PLOD1: variants seen among roughly 807,000 people sequenced by gnomAD.
The protein encoded by PLOD1 is procollagen-lysine,2-oxoglutarate 5-dioxygenase 1.
A neutral mutation model predicts 94.7 loss-of-function variants in PLOD1; 70 were observed. The ratio of observed to expected loss-of-function variants is 0.74; its 90% CI spans 0.61 to 0.90. PLOD1 has a LOEUF of 0.90. Among genes scored for constraint, PLOD1 ranks in the 40% least tolerant of loss-of-function variants. The pLI is 0.00. For missense variants in PLOD1, 905 were observed against 972.7 expected (o/e 0.93, Z 0.93); for synonymous variants, 417 against 400.2 (o/e 1.04, Z -0.50).
In PLOD1 at chr1:11,956,908, G is replaced by A. The variant is rs1279837535; in HGVS notation, c.644-9G>A. 1 of 1,602,308 alleles carries A rather than the reference G, an allele frequency of 6.2e-7. No homozygotes were observed. The highest frequency in any genetic ancestry group is 8.6e-7 in the Non-Finnish European group (1 of 1,169,258). ...GATGCTGGGTGGGACTGTGCTTTCT[G>A]ACCCCCAGATGAGGTCGTGCTCAAG... On this transcript the variant is annotated splice_polypyrimidine_tract_variant and intron_variant, in intron 6 of 18. Coordinates refer to ENST00000196061, the MANE Select transcript of PLOD1 (RefSeq NM_000302.4).
chr1:11,957,585 A>G lies in PLOD1; in HGVS notation c.742-257A>G, dbSNP rs1645747787. 6.6e-6 allele frequency among the ~76,000 whole-genome samples: 1 copy of G among 152,188 alleles called. No homozygotes were observed. Among genetic ancestry groups the G allele is most frequent in the African/African-American group, 2.4e-5 (1 of 41,462 alleles). On this transcript the variant is annotated intron_variant, in intron 7 of 18. Transcript: ENST00000196061. This position sits in a 1 kb window ranked among gnomAD's most constrained non-coding sequence, Gnocchi z 4.1. ...TTCACCCAGGATCTGTTCAGATGGA[A>G]TCTCTGAGCGGGGTGGGACCCAGGA...
At chr1:11,943,599 G>A (rs563335328) in intron 1 of PLOD1, among the ~76,000 whole-genome samples, 3 of 152,116 alleles carry the variant, frequency 2.0e-5, no homozygotes, top group East Asian at 1.9e-4. Context: ...GCCTGGCCAC[G>A]GAACCTGGGG....
At chr1:11,959,843 C>G in intron 9 of PLOD1, among the ~76,000 whole-genome samples, 1 of 151,630 alleles carries the variant, frequency 6.6e-6, no homozygotes, top group Non-Finnish European at 1.5e-5. Context: ...GTCTCGATCT[C>G]CTGACCTCGT....
intron 1 of PLOD1, among the ~76,000 whole-genome samples, chr1:11,941,495 T>TTA (rs1557481986): frequency 0.044 from 6,275 of 144,160 alleles, 416 homozygotes; most frequent in African/African-American, 0.16. Flanking sequence ...TATTATTATT[T>TTA]TTGAGATGGA....
intron 18 of PLOD1, among the ~76,000 whole-genome samples, chr1:11,974,331 C>T (rs933475487): frequency 3.9e-5 from 6 of 151,998 alleles, no homozygotes; most frequent in South Asian, 2.1e-4. Flanking sequence ...TACAGGCGTG[C>T]GCTGCTACAC....
At chr1:11,953,159 G>A (rs1392805164) in intron 5 of PLOD1, among the ~76,000 whole-genome samples, 1 of 152,052 alleles carries the variant, frequency 6.6e-6, no homozygotes, top group African/African-American at 2.4e-5. Flanking sequence ...TGGTTCAAGC[G>A]ATTCTCGAGC....
In PLOD1 at chr1:11,957,248, T is replaced by C; in HGVS notation, c.741+234T>C. ...TCACAGGACACGTAGGAGGCTGCCATCCCCTTCCAGGCCTAGGCTGGGCTA... is the reference window on the plus strand; with the variant it reads ...TCACAGGACACGTAGGAGGCTGCCACCCCCTTCCAGGCCTAGGCTGGGCTA... On this transcript the variant is annotated intron_variant, in intron 7 of 18. Transcript: ENST00000196061. The surrounding 1 kb of genome is among the most constrained non-coding windows in gnomAD (Gnocchi z 4.1). 2 of 721,424 alleles carry C rather than the reference T, an allele frequency of 2.8e-6. No homozygotes were observed. Among genetic ancestry groups the C allele is most frequent in the Non-Finnish European group, 5.2e-6 (2 of 383,362 alleles). The allele number at this position is 721,424 out of a possible 1,614,324, so 44.7% of individuals were successfully genotyped here.
intron 17 of PLOD1, 50 bp downstream of exon 17, chr1:11,970,866 G>A: frequency 1.4e-6 from 2 of 1,393,182 alleles, no homozygotes; most frequent in Non-Finnish European, 1.9e-6. Context: ...TGGGTGGGGT[G>A]TCAGTGGAGT....
At chr1:11,947,948 C>T (rs374793932) in intron 1 of PLOD1, 28 bp from the exon 2 acceptor site, 67 of 1,435,598 alleles carry the variant, frequency 4.7e-5, no homozygotes, top group Non-Finnish European at 6.0e-5. Context: ...CCTCCATTCC[C>T]ATTCACCATA....
In PLOD1 at chr1:11,952,627, C is replaced by T; in HGVS notation, c.471C>T (p.Phe157=). 6.2e-7 allele frequency: 1 copy of T among 1,613,414 alleles called. No individual in the cohort carries two copies. Among genetic ancestry groups the T allele is most frequent in the Non-Finnish European group, 8.5e-7 (1 of 1,179,366 alleles). The part of the protein sequence containing the change: ...DGKRFLGSGG[F]IGYAPNLSKL... ...TCCCCACCCACCAACCTTCAGGCTT[C>T]ATCGGTTATGCCCCCAACCTCAGCA... The change falls in exon 5 of 19, where the codon TTC becomes TTT. Residue 157 remains phenylalanine (F), a synonymous_variant. Transcript: ENST00000196061.
At chr1:11,936,217 G>T (rs148004573) in intron 1 of PLOD1, among the ~76,000 whole-genome samples, 1 of 152,030 alleles carries the variant, frequency 6.6e-6, no homozygotes, top group Non-Finnish European at 1.5e-5. Flanking sequence ...TTGGTCCGAG[G>T]TCAGCTGGGC....
intron 17 of PLOD1, 69 bp downstream of exon 17, chr1:11,970,885 C>G: frequency 2.8e-5 from 23 of 826,192 alleles, no homozygotes; most frequent in Middle Eastern, 2.7e-4. Context: ...GTGGCTGGGA[C>G]TGGTGGGGGT....
chr1:11,969,541 C>T (rs991807661), intron 16 of PLOD1, among the ~76,000 whole-genome samples: 1 of 152,204 alleles, frequency 6.6e-6, no homozygotes, highest in East Asian at 1.9e-4. Context: ...ACCTCGGACC[C>T]CAGCTGACTC....
Position 11,949,836 on chromosome 1 carries a change from G to C in PLOD1, c.232G>C (p.Val78Leu), listed in dbSNP as rs1306060482. The C allele has an allele frequency of 6.2e-7, 1 of 1,614,134 alleles. No homozygotes were observed. The highest frequency in any genetic ancestry group is 8.5e-7 in the Non-Finnish European group (1 of 1,179,968). The change falls in exon 3 of 19, where the codon GTC (valine) becomes CTC (leucine). Residue 78 changes from valine (V) to leucine (L), a missense_variant. By Grantham distance (32) the Val-to-Leu change is conservative (BLOSUM62 1). Transcript: ENST00000196061. ...GACGTCGGCAGGTGGAGGGCAGAAG[G>C]TCCGGCTGCTGAAGAAAGCTCTGGA... ...KGTSAGGGQK[V>L]RLLKKALEKH... is the part of the protein sequence containing the mutation.
intron 1 of PLOD1, among the ~76,000 whole-genome samples, chr1:11,937,672 T>C (rs1158266696): frequency 6.6e-6 from 1 of 152,166 alleles, no homozygotes; most frequent in Non-Finnish European, 1.5e-5. Flanking sequence ...TTAGGCACCC[T>C]GATCCCCAGC....
chr1:11,950,843 G>A (rs924619689), intron 4 of PLOD1, among the ~76,000 whole-genome samples: 2 of 152,098 alleles, frequency 1.3e-5, no homozygotes, highest in Admixed American at 1.3e-4. Context: ...GCCCAGGCTG[G>A]AGTGCAGTGG....
chr1:11,974,564 G>A, intron 18 of PLOD1, 89 bp from the exon 19 acceptor site: 1 of 1,321,140 alleles, frequency 7.6e-7, no homozygotes, highest in Non-Finnish European at 1.1e-6. Context: ...AGTGCTGAGG[G>A]CCACTTGGCC....
intron 4 of PLOD1, 34 bp from the exon 5 acceptor site, chr1:11,952,589 G>T: frequency 6.7e-7 from 1 of 1,489,616 alleles, no homozygotes; most frequent in Non-Finnish European, 9.4e-7. Flanking sequence ...GAAGCTAAGG[G>T]TCCGTCTTGG....
Position 11,970,628 on chromosome 1 carries a change from A to G in PLOD1, c.1756-42A>G, listed in dbSNP as rs1645854905. On this transcript the variant is annotated intron_variant, in intron 16 of 18. Transcript: ENST00000196061. Reference sequence around the variant, plus strand: ...GGGGAGTAGACAGAGCCTGGGGGCCATCCTAGAATTCTGCCTAAACATTCA... The same window carrying G: ...GGGGAGTAGACAGAGCCTGGGGGCCGTCCTAGAATTCTGCCTAAACATTCA... 3 of 1,605,092 alleles carry G rather than the reference A, an allele frequency of 1.9e-6. No homozygotes were observed. In the East Asian group the frequency reaches 6.7e-5, roughly 36 times the overall value.
Sources: allele counts gnomAD v4.1 joint callset (sites outside exome capture counted in the v4.1 genomes callset), GRCh38; gene constraint gnomAD v4.1.1; non-coding constraint Gnocchi (gnomAD v3.1); transcripts MANE v1.5; gene names NCBI Gene and HGNC (gene_info 2026-07-23, HGNC 2026-07-21).